The following POLR3B variants were observed in gnomAD, a reference collection of about 807,000 sequenced individuals.
The protein encoded by POLR3B is RNA polymerase III subunit B, also known as DNA-directed RNA polymerase III subunit RPC2.
A neutral mutation model predicts 147.4 loss-of-function variants in POLR3B; 96 were observed. That is an observed-to-expected ratio of 0.65 (90% CI 0.55 to 0.77). The LOEUF is 0.77. Among genes scored for constraint, POLR3B ranks in the 30% least tolerant of loss-of-function variants. The pLI, the probability that POLR3B is intolerant of heterozygous loss-of-function variation, is 0.00. For missense variants in POLR3B, 1,036 were observed against 1,413.5 expected, an observed-to-expected ratio of 0.73 and a Z score of 4.28; for synonymous variants, 461 against 485.9, an observed-to-expected ratio of 0.95 and a Z score of 0.67.
At chr12:106,365,217 G>A (rs1189545072) in intron 2 of POLR3B, among the ~76,000 whole-genome samples, 1 of 152,096 alleles carries the variant, frequency 6.6e-6, no homozygotes. Flanking sequence ...TGGGCAGAGG[G>A]GAGAGTGCTG....
intron 12 of POLR3B, among the ~76,000 whole-genome samples, chr12:106,423,479 T>A (rs535675679): frequency 3.7e-4 from 56 of 152,148 alleles, no homozygotes; most frequent in African/African-American, 1.3e-3. Flanking sequence ...AAGCTAGCGG[T>A]ATAGTTTAGT....
intron 23 of POLR3B, among the ~76,000 whole-genome samples, chr12:106,483,593 A>C (rs996835323): frequency 6.6e-6 from 1 of 152,236 alleles, no homozygotes; most frequent in African/African-American, 2.4e-5. Context: ...TCCTTTTAGA[A>C]GTCCAGTCTA....
chr12:106,447,378 C>T (rs1249390335), intron 19 of POLR3B, among the ~76,000 whole-genome samples: 1 of 152,090 alleles, frequency 6.6e-6, no homozygotes, highest in African/African-American at 2.4e-5. Context: ...AGCTAATCCA[C>T]GATAAAACAC....
rs1021952317 is a variant in POLR3B, at chr12:106,357,805, G to A, written c.-75G>A. 6.3e-6 allele frequency: 9 copies of A among 1,420,358 alleles called. No homozygotes were observed. Among genetic ancestry groups the A allele is most frequent in the Non-Finnish European group, 8.8e-6 (9 of 1,020,620 alleles). 88.0% of individuals were successfully genotyped at this position (1,420,358 alleles called of 1,614,324 possible). A position where few individuals can be genotyped will look rare whatever the true frequency, so the allele number is the denominator to read the frequency against. Reference sequence around the variant, plus strand: ...TAGGCCTCCGCGCACCGTTCGCCGGGAGTCTTGCAGTTTGCTTGGTGCAGG... The same window carrying A: ...TAGGCCTCCGCGCACCGTTCGCCGGAAGTCTTGCAGTTTGCTTGGTGCAGG... On this transcript the variant is annotated 5_prime_UTR_variant, in exon 1 of 28. Transcript: ENST00000228347.
intron 23 of POLR3B, among the ~76,000 whole-genome samples, chr12:106,481,487 T>A (rs189974424): frequency 2.0e-5 from 3 of 152,360 alleles, no homozygotes; most frequent in Admixed American, 2.0e-4. Context: ...CTTCTGAGCC[T>A]TCCCAGGAAT....
chr12:106,391,644 A>G (rs1199786184), intron 9 of POLR3B, among the ~76,000 whole-genome samples: 1 of 152,198 alleles, frequency 6.6e-6, no homozygotes, highest in Non-Finnish European at 1.5e-5. Flanking sequence ...CTGGTTTTTC[A>G]TTTATGCAAA....
chr12:106,497,583 T>C (rs1167831060), intron 25 of POLR3B, among the ~76,000 whole-genome samples: 2 of 152,226 alleles, frequency 1.3e-5, no homozygotes, highest in Non-Finnish European at 2.9e-5. Context: ...TGTTGAACTT[T>C]CCCTGCAATT....
chr12:106,497,248 C>T (rs1592777236), intron 25 of POLR3B, among the ~76,000 whole-genome samples: 1 of 150,464 alleles, frequency 6.6e-6, no homozygotes, highest in East Asian at 2.0e-4. Flanking sequence ...GATCGGACAC[C>T]CCTGCCTTAA....
chr12:106,500,314 ACT>A, intron 25 of POLR3B: 3 of 370,582 alleles, frequency 8.1e-6, no homozygotes, highest in Non-Finnish European at 1.6e-5. Flanking sequence ...CTCTTCTTAA[ACT>A]CTTACTACAG....
intron 27 of POLR3B, chr12:106,507,674 C>T: frequency 2.3e-6 from 1 of 429,550 alleles, no homozygotes; most frequent in Non-Finnish European, 4.6e-6. Flanking sequence ...GGTTAAGCAC[C>T]CTGCGTCCCC....
At position 106,405,995 on chromosome 12, in the gene POLR3B, T is replaced by C. The variant is rs754730814; in HGVS notation, c.966+19T>C. On this transcript the variant is annotated intron_variant, in intron 11 of 27. Coordinates refer to ENST00000228347, the MANE Select transcript of POLR3B (RefSeq NM_018082.6). ...TGTCCCAGTGAGTAACACTTCGTTA[T>C]TGTGAATAAGGACTGTGGGGTCTGT... 1.2e-6 allele frequency: 2 copies of C among 1,613,080 alleles called. No individual in the cohort carries two copies. The highest frequency in any genetic ancestry group is 1.7e-4 in the Middle Eastern group (1 of 6,060).
intron 12 of POLR3B, among the ~76,000 whole-genome samples, chr12:106,425,563 A>G (rs973588087): frequency 2.6e-5 from 4 of 152,150 alleles, no homozygotes; most frequent in African/African-American, 9.7e-5. Flanking sequence ...TTCCTATGCA[A>G]GAAAGCCCAG....
At chr12:106,365,099 C>T (rs1251967018) in intron 2 of POLR3B, among the ~76,000 whole-genome samples, 1 of 151,960 alleles carries the variant, frequency 6.6e-6, no homozygotes, top group East Asian at 1.9e-4. Context: ...CGCGCCACTG[C>T]ACTGCAGCCT....
At chr12:106,385,660 T>C (rs1000409688) in intron 9 of POLR3B, among the ~76,000 whole-genome samples, 3 of 152,202 alleles carry the variant, frequency 2.0e-5, no homozygotes, top group Non-Finnish European at 4.4e-5. Flanking sequence ...AGTCTGGTGA[T>C]TGGGATTTAG....
Position 106,509,287 on chromosome 12 carries a change from C to T in POLR3B, c.3273-133C>T. 3 of 947,692 alleles carry T rather than the reference C, an allele frequency of 3.2e-6. No individual in the cohort carries two copies. The South Asian group carries it at 3.9e-5, about 12-fold the overall frequency. The allele number at this position is 947,692 out of a possible 1,614,324, so 58.7% of individuals were successfully genotyped here. ...CATACGTACTTATATGATAGTGCAA[C>T]TGAACACTTAGGAATAGAAAGATAA... On this transcript the variant is annotated intron_variant, in intron 27 of 27. Coordinates refer to ENST00000228347, the MANE Select transcript of POLR3B (RefSeq NM_018082.6).
chr12:106,487,338 TC>T (rs2038354078), intron 23 of POLR3B, among the ~76,000 whole-genome samples: 1 of 152,230 alleles, frequency 6.6e-6, no homozygotes. Flanking sequence ...TAGTTTTTAA[TC>T]CTGAGATGTA....
At chr12:106,471,315 T>C (rs1465307265) in intron 23 of POLR3B, among the ~76,000 whole-genome samples, 1 of 152,100 alleles carries the variant, frequency 6.6e-6, no homozygotes, top group African/African-American at 2.4e-5. Context: ...GTGAAGACCA[T>C]GGGGAAAGCA....
At chr12:106,452,822 C>T (rs2137026015) in intron 19 of POLR3B, among the ~76,000 whole-genome samples, 1 of 152,162 alleles carries the variant, frequency 6.6e-6, no homozygotes, top group African/African-American at 2.4e-5. Context: ...TCAGCTGAAT[C>T]TTTTTAAGTT....
At chr12:106,386,012 A>C (rs2036830841) in intron 9 of POLR3B, among the ~76,000 whole-genome samples, 1 of 152,186 alleles carries the variant, frequency 6.6e-6, no homozygotes, top group African/African-American at 2.4e-5. Context: ...CACAGTGCCC[A>C]ATGCAGTGTT....
Sources: allele counts gnomAD v4.1 joint callset (sites outside exome capture counted in the v4.1 genomes callset), GRCh38; gene constraint gnomAD v4.1.1; transcripts MANE v1.5; gene names NCBI Gene and HGNC (gene_info 2026-07-23, HGNC 2026-07-21).